The following LRP1B variants were observed in gnomAD, a reference collection of about 807,000 sequenced individuals.
LRP1B encodes the protein LDL receptor related protein 1B.
Under a neutral mutation model 556.6 loss-of-function variants are expected in LRP1B, and 217 were observed. That is an observed-to-expected ratio of 0.39 (90% confidence interval 0.35 to 0.44). The LOEUF is 0.44. Ranked by LOEUF, LRP1B falls within the 20% of genes least tolerant of loss-of-function variation. LRP1B has a pLI of 1.00. For missense variants in LRP1B, 5,053 were observed against 5,620.8 expected, an observed-to-expected ratio of 0.90 and a Z score of 3.23; for synonymous variants, 2,047 against 1,865.8, an observed-to-expected ratio of 1.10 and a Z score of -2.50.
intron 1 of LRP1B, among the ~76,000 whole-genome samples, chr2:142,052,927 T>A (rs1366781089): frequency 1.3e-5 from 2 of 152,192 alleles, no homozygotes; most frequent in African/African-American, 2.4e-5. Context: ...AGTGACCATC[T>A]GCTTTGTCGG....
intron 8 of LRP1B, among the ~76,000 whole-genome samples, chr2:141,061,820 TG>T (rs1172445212): frequency 6.6e-6 from 1 of 151,838 alleles, no homozygotes; most frequent in African/African-American, 2.4e-5. Context: ...TTTGTTTACT[TG>T]TTTTCTCTGT....
chr2:140,694,141 A>G (rs763962775), intron 41 of LRP1B, among the ~76,000 whole-genome samples: 1 of 152,208 alleles, frequency 6.6e-6, no homozygotes, highest in African/African-American at 2.4e-5. Flanking sequence ...CTAAATAAGC[A>G]TATTCTTTGG....
chr2:140,934,892 A>T (rs2105277043), intron 20 of LRP1B, among the ~76,000 whole-genome samples: 1 of 152,266 alleles, frequency 6.6e-6, no homozygotes, highest in African/African-American at 2.4e-5. Flanking sequence ...AAAGACTAGG[A>T]TGTTCAAACA....
intron 3 of LRP1B, among the ~76,000 whole-genome samples, chr2:141,445,905 G>T (rs752012643): frequency 3.3e-5 from 5 of 152,182 alleles, no homozygotes; most frequent in Admixed American, 6.5e-5. Flanking sequence ...TTGATTTGGT[G>T]TGGAGAATTC....
At chr2:140,873,843 T>C (rs1693218474) in intron 25 of LRP1B, among the ~76,000 whole-genome samples, 1 of 151,904 alleles carries the variant, frequency 6.6e-6, no homozygotes, top group Admixed American at 6.6e-5. Context: ...GAAAAATTTT[T>C]CTCTAATTCA....
rs184232929 is a variant in LRP1B, at chr2:141,278,323, C to T, written c.344-23682G>A. On this transcript the variant is annotated intron_variant, in intron 3 of 90. Coordinates refer to ENST00000389484, the MANE Select transcript of LRP1B (RefSeq NM_018557.3). ...GTACTCCAGGCTTCTATCCTTGCTT[C>T]GGGCCTGGCAAAGATAGGCTTCCTA... 3.2e-4 allele frequency among the ~76,000 whole-genome samples: 49 copies of T among 152,158 alleles called. 1 individual carries two copies. The highest frequency in any genetic ancestry group is 1.1e-3 in the African/African-American group (45 of 41,524).
At chr2:140,432,850 G>A (rs1485299788) in intron 66 of LRP1B, among the ~76,000 whole-genome samples, 2 of 152,134 alleles carry the variant, frequency 1.3e-5, no homozygotes, top group Non-Finnish European at 2.9e-5. Flanking sequence ...TTGAAATTAG[G>A]TAATATATTG....
In LRP1B at chr2:140,274,440, C is replaced by T. The variant is rs774324009; in HGVS notation, c.13126G>A (p.Glu4376Lys). ...GGHCIINKDS[E>K]DIFCNCTNGK... is the part of the protein sequence containing the mutation. ...TCCACTTACTTGCAAAATATATCTT[C>T]ACTGTCTTTATTTATAATGCAGTGC... Residue 4376 changes from glutamate to lysine, a missense_variant, in exon 85 of 91, where the codon GAA (glutamate) becomes AAA (lysine). Glu to Lys is a moderately conservative substitution (Grantham distance 56). Transcript: ENST00000389484. The T allele has an allele frequency of 6.8e-6, 11 of 1,612,078 alleles. No homozygotes were observed. Among genetic ancestry groups the T allele is most frequent in the Middle Eastern group, 3.3e-4 (2 of 6,068 alleles).
At chr2:141,886,548 C>A (rs1211337154) in intron 1 of LRP1B, among the ~76,000 whole-genome samples, 1 of 152,136 alleles carries the variant, frequency 6.6e-6, no homozygotes, top group Non-Finnish European at 1.5e-5. Context: ...TATAGTAAAG[C>A]TACTTTTGGG....
rs114438976 is a variant in LRP1B at position 140,887,896 on chromosome 2, T to C, written c.3767-1561A>G. ...AGTGGTTTCTAGGGCCGAGGGTAGG[T>C]ATTAACAGGAAGTGATTGCAAATGG... On this transcript the variant is annotated intron_variant, in intron 23 of 90. Transcript: ENST00000389484. 6.6e-3 allele frequency among the ~76,000 whole-genome samples: 1,011 copies of C among 152,226 alleles called. 11 individuals carry two copies. Among genetic ancestry groups the C allele is most frequent in the African/African-American group, 0.023 (960 of 41,564 alleles).
intron 31 of LRP1B, among the ~76,000 whole-genome samples, chr2:140,834,327 C>T (rs1250018128): frequency 1.3e-5 from 2 of 152,138 alleles, no homozygotes; most frequent in Admixed American, 1.3e-4. Flanking sequence ...GCAACCTCTG[C>T]CTGCTGAGTT....
intron 41 of LRP1B, among the ~76,000 whole-genome samples, chr2:140,651,651 C>CA (rs1310769524): frequency 6.6e-6 from 1 of 151,032 alleles, no homozygotes; most frequent in Non-Finnish European, 1.5e-5. Context: ...GTATATTTCA[C>CA]AAAACTAAAA....
chr2:140,902,216 T>A (rs1043229597), intron 23 of LRP1B, among the ~76,000 whole-genome samples: 2 of 152,124 alleles, frequency 1.3e-5, no homozygotes, highest in Admixed American at 1.3e-4. Context: ...GGACTCAGAC[T>A]AAGAATCTAG....
chr2:141,922,675 G>A (rs1331464578), intron 1 of LRP1B, among the ~76,000 whole-genome samples: 3 of 152,172 alleles, frequency 2.0e-5, no homozygotes, highest in East Asian at 1.9e-4. Flanking sequence ...AGTTCCAGGT[G>A]TTTAAATCAA....
chr2:141,674,074 A>C (rs547021151), intron 2 of LRP1B, among the ~76,000 whole-genome samples: 108 of 152,168 alleles, frequency 7.1e-4, no homozygotes, highest in African/African-American at 2.5e-3. Context: ...CATTCCCTCC[A>C]TTGTTAATAG....
intron 41 of LRP1B, among the ~76,000 whole-genome samples, chr2:140,664,014 G>A (rs982876726): frequency 1.3e-5 from 2 of 152,090 alleles, no homozygotes; most frequent in Admixed American, 6.6e-5. Flanking sequence ...GGGAAGGACC[G>A]GCTGGTGGAC....
At chr2:141,468,778 T>C (rs150054374) in intron 3 of LRP1B, among the ~76,000 whole-genome samples, 3 of 152,322 alleles carry the variant, frequency 2.0e-5, no homozygotes, top group Admixed American at 2.0e-4. Context: ...ACCTGTACTG[T>C]ACTCTAAATA....
Position 140,554,933 on chromosome 2 carries a change from T to C in LRP1B, c.7195-12962A>G, listed in dbSNP as rs549174790. Among the ~76,000 whole-genome samples, 7 of 151,892 alleles carry C rather than the reference T, an allele frequency of 4.6e-5. No homozygotes were observed. In the East Asian group the frequency reaches 9.7e-4, roughly 21 times the overall value. On this transcript the variant is annotated intron_variant, in intron 43 of 90. Coordinates refer to ENST00000389484, the MANE Select transcript of LRP1B (RefSeq NM_018557.3). ...AGGCTTTGTACTTTATTTGCGTATG[T>C]ACACAAAATAAAATCTTTTCTTTGT...
At chr2:141,698,348 T>TA in intron 2 of LRP1B, among the ~76,000 whole-genome samples, 1 of 151,866 alleles carries the variant, frequency 6.6e-6, no homozygotes, top group Admixed American at 6.6e-5. Context: ...GTGAGTGCTG[T>TA]ACAGGATGCT....
Sources: gnomAD v4.1 joint callset for allele counts (sites outside exome capture counted in the v4.1 genomes callset) on GRCh38, gnomAD v4.1.1 for gene constraint, MANE v1.5 for transcripts, NCBI Gene and HGNC (gene_info 2026-07-23, HGNC 2026-07-21) for gene names.